The following MAK16 variants were observed in gnomAD, a reference collection of about 807,000 sequenced individuals.
The protein encoded by MAK16 is MAK16 homolog.
MAK16 carries 12 observed loss-of-function variants against 49.9 expected under a neutral mutation model. That is an observed-to-expected ratio of 0.24 (90% confidence interval 0.15 to 0.39). MAK16 has a LOEUF of 0.39. MAK16 is among the 10% of genes least tolerant of loss of function. The pLI, the probability that MAK16 is intolerant of heterozygous loss-of-function variation, is 1.00. For synonymous variants in MAK16, 115 were observed against 126.4 expected (o/e 0.91, Z 0.60); for missense variants, 292 against 363.7 (o/e 0.80, Z 1.60).
intron 6 of MAK16, among the ~76,000 whole-genome samples, chr8:33,494,240 A>AT (rs1195714797): frequency 1.3e-5 from 2 of 151,992 alleles, no homozygotes; most frequent in Non-Finnish European, 2.9e-5. Flanking sequence ...TGCCCGGCTA[A>AT]TTTTTTGTGT....
At chr8:33,492,304 G>A (rs568997818) in intron 6 of MAK16, among the ~76,000 whole-genome samples, 57 of 152,260 alleles carry the variant, frequency 3.7e-4, no homozygotes, top group Admixed American at 3.6e-3. Context: ...GAGCCACCGC[G>A]CTGGCCTGTA....
Position 33,500,545 on chromosome 8 carries a change from G to T in MAK16, c.*1916G>T. 6.3e-7 allele frequency: 1 copy of T among 1,599,666 alleles called. No individual in the cohort carries two copies. Among genetic ancestry groups the T allele is most frequent in the East Asian group, 2.2e-5 (1 of 44,646 alleles). On this transcript the variant is annotated 3_prime_UTR_variant, in exon 10 of 10. Coordinates refer to ENST00000360128, the MANE Select transcript of MAK16 (RefSeq NM_032509.4). ...ACTCTAAATCTGGATATTAAAATTGGAAGAGACTTCAAAGACTGTCAAGTG... is the reference window on the plus strand; with the variant it reads ...ACTCTAAATCTGGATATTAAAATTGTAAGAGACTTCAAAGACTGTCAAGTG...
At position 33,495,466 on chromosome 8, in the gene MAK16, G is replaced by T. The variant is rs1563347464; in HGVS notation, c.448-76G>T. 6.6e-6 allele frequency: 8 copies of T among 1,215,918 alleles called. No individual in the cohort carries two copies. In the East Asian group the frequency reaches 9.9e-5, roughly 15 times the overall value. 75.3% of individuals were successfully genotyped at this position (1,215,918 alleles called of 1,614,324 possible). On this transcript the variant is annotated intron_variant, in intron 6 of 9. Coordinates refer to ENST00000360128, the MANE Select transcript of MAK16 (RefSeq NM_032509.4). ...ACATTGTCTTTCTTATAAACAACTT[G>T]GTAGTTTCTTCCATTTTTATAAGAT...
At chr8:33,496,884 T>A in intron 8 of MAK16, 143 bp downstream of exon 8, 1 of 635,644 alleles carries the variant, frequency 1.6e-6, no homozygotes, top group Non-Finnish European at 2.6e-6. Context: ...TAGCACTGGT[T>A]GCTCTGTTCT....
At chr8:33,492,648 A>G (rs1296661650) in intron 6 of MAK16, among the ~76,000 whole-genome samples, 3 of 152,148 alleles carry the variant, frequency 2.0e-5, no homozygotes, top group African/African-American at 7.2e-5. Flanking sequence ...TTTATTGAAG[A>G]GACTGTCTTT....
chr8:33,490,208 A>G (rs1808755300), intron 5 of MAK16, 77 bp from the exon 6 acceptor site: 3 of 1,250,374 alleles, frequency 2.4e-6, no homozygotes, highest in Non-Finnish European at 2.3e-6. Context: ...ACCAATTCCA[A>G]TCCTTTTTTC....
At chr8:33,497,347 A>C (rs1251376332) in intron 9 of MAK16, 50 bp downstream of exon 9, 3 of 1,307,786 alleles carry the variant, frequency 2.3e-6, no homozygotes, top group South Asian at 1.3e-5. Context: ...GCAAAAAAAA[A>C]AAAAAAACAA....
intron 9 of MAK16, 63 bp downstream of exon 9, chr8:33,497,360 A>T (rs1808885759): frequency 8.4e-7 from 1 of 1,185,200 alleles, no homozygotes; most frequent in Non-Finnish European, 1.2e-6. Context: ...AAAAACAAAA[A>T]CAGGGAGGTG....
In MAK16 at chr8:33,489,385, T is replaced by G. The variant is rs1380817720; in HGVS notation, c.392+246T>G. 1 of 420,990 alleles carries G rather than the reference T, an allele frequency of 2.4e-6. No individual in the cohort carries two copies. Among genetic ancestry groups the G allele is most frequent in the Non-Finnish European group, 4.2e-6 (1 of 236,970 alleles). 26.1% of individuals were successfully genotyped at this position (420,990 alleles called of 1,614,324 possible). Reference sequence around the variant, plus strand: ...AATCTTTCAGAAAATTTTATTTTCTTTTTTGTTAAGACGGAGTCTCACTCT... The same window carrying G: ...AATCTTTCAGAAAATTTTATTTTCTGTTTTGTTAAGACGGAGTCTCACTCT... On this transcript the variant is annotated intron_variant, in intron 5 of 9. Transcript: ENST00000360128. This position sits in a 1 kb window ranked among gnomAD's most constrained non-coding sequence, Gnocchi z 4.2.
intron 6 of MAK16, among the ~76,000 whole-genome samples, chr8:33,492,534 G>A (rs926653945): frequency 6.6e-6 from 1 of 152,122 alleles, no homozygotes; most frequent in African/African-American, 2.4e-5. Flanking sequence ...TGTAGTTGGA[G>A]GTCTTAGTTT....
chr8:33,489,210 G>A lies in MAK16; in HGVS notation c.392+71G>A, dbSNP rs769878418. 6.5e-5 allele frequency: 92 copies of A among 1,413,134 alleles called. No homozygotes were observed. Among genetic ancestry groups the A allele is most frequent in the Non-Finnish European group, 8.3e-5 (85 of 1,026,142 alleles). The allele number at this position is 1,413,134 out of a possible 1,614,324, so 87.5% of individuals were successfully genotyped here. A position where few individuals can be genotyped will look rare whatever the true frequency, so the allele number is the denominator to read the frequency against. ...GAGCTTGTTTTGAAGTTGAGAAATT[G>A]TGAAACTTCGGGGCTTTCTATTCAA... On this transcript the variant is annotated intron_variant, in intron 5 of 9. Transcript: ENST00000360128. The surrounding 1 kb of genome is among the most constrained non-coding windows in gnomAD (Gnocchi z 4.2).
intron 6 of MAK16, among the ~76,000 whole-genome samples, chr8:33,492,321 T>C (rs1427452528): frequency 1.3e-5 from 2 of 152,198 alleles, no homozygotes; most frequent in African/African-American, 2.4e-5. Context: ...TGTATTCTGG[T>C]TATTAATCCC....
chr8:33,496,839 G>T, intron 8 of MAK16, 98 bp downstream of exon 8: 1 of 894,806 alleles, frequency 1.1e-6, no homozygotes, highest in Non-Finnish European at 1.6e-6. Flanking sequence ...AAAATGATAT[G>T]TCTTCTTTTT....
At chr8:33,488,306 A>G (rs1397850859) in intron 1 of MAK16, 72 bp from the exon 2 acceptor site, 20 of 1,456,610 alleles carry the variant, frequency 1.4e-5, no homozygotes, top group Non-Finnish European at 1.8e-5. Context: ...GTCCTTGGGC[A>G]TTGCCTTCTT....
intron 1 of MAK16, chr8:33,485,503 TGCTGTCA>T (rs3839858): frequency 0.63 from 270,772 of 433,132 alleles, 88,938 homozygotes; most frequent in African/African-American, 0.81. Context: ...CGTCGCGTCA[TGCTGTCA>T]GCTGTCAGCT....
At position 33,496,732 on chromosome 8, in the gene MAK16, T is replaced by C. The variant is rs776466592; in HGVS notation, c.630T>C (p.Asp210=). The C allele has an allele frequency of 6.2e-6, 10 of 1,608,772 alleles. No homozygotes were observed. The highest frequency in any genetic ancestry group is 8.5e-6 in the Non-Finnish European group (10 of 1,177,314). ...CTGAGGAAAAAGATGATGATGATGA[T>C]GATGAGGAAGTAAGTCTTGTTTTTG... ...SDTEEKDDDD[D]DEEDVGKREF... is the part of the protein sequence containing the mutation. The change falls in exon 8 of 10, where the codon GAT becomes GAC. Residue 210 remains aspartate, a synonymous_variant. Coordinates refer to ENST00000360128, the MANE Select transcript of MAK16 (RefSeq NM_032509.4).
intron 8 of MAK16, among the ~76,000 whole-genome samples, 163 bp downstream of exon 8, chr8:33,496,904 C>G (rs1020690171): frequency 6.6e-5 from 10 of 152,258 alleles, no homozygotes; most frequent in Non-Finnish European, 2.9e-5. Context: ...TTCAGGCTAA[C>G]CAACAAACCA....
chr8:33,495,683 G>GC, intron 7 of MAK16, 67 bp downstream of exon 7: 1 of 345,786 alleles, frequency 2.9e-6, no homozygotes. Flanking sequence ...GACATATTGG[G>GC]AATTTTTTTT....
At position 33,490,335 on chromosome 8, in the gene MAK16, G is replaced by T; in HGVS notation, c.443G>T (p.Arg148Ile). 1 of 1,612,774 alleles carries T rather than the reference G, an allele frequency of 6.2e-7. No homozygotes were observed. Among genetic ancestry groups the T allele is most frequent in the Non-Finnish European group, 8.5e-7 (1 of 1,178,914 alleles). ...SKKVERREKR[R>I]EEKALIAAQL... ...AAGGTGGAGCGTAGGGAGAAAAGAA[G>T]AGAGGTAACTTATTGTTGAGATATT... is the stretch of plus-strand genomic sequence containing the variant. The change falls in exon 6 of 10, where the codon AGA (arginine) becomes ATA (isoleucine). Residue 148 changes from arginine (R) to isoleucine (I), a missense_variant. Physicochemically the swap from Arg to Ile is moderately conservative, Grantham distance 97 (BLOSUM62 -3). Transcript: ENST00000360128.
Sources: allele counts gnomAD v4.1 joint callset (sites outside exome capture counted in the v4.1 genomes callset), GRCh38; gene constraint gnomAD v4.1.1; non-coding constraint Gnocchi (gnomAD v3.1); transcripts MANE v1.5; gene names NCBI Gene and HGNC (gene_info 2026-07-23, HGNC 2026-07-21).